The following AUTS2 variants were observed in gnomAD, a reference collection of about 807,000 sequenced individuals.
AUTS2 encodes autism susceptibility gene 2 protein.
In AUTS2, 17 loss-of-function variants were observed where a neutral mutation model predicts 112.4. That is an observed-to-expected ratio of 0.15 (90% CI 0.10 to 0.23). AUTS2 has a LOEUF of 0.23. Among genes scored for constraint, AUTS2 ranks in the 10% least tolerant of loss-of-function variants. The pLI, the probability that AUTS2 is intolerant of heterozygous loss-of-function variation, is 1.00. For synonymous variants in AUTS2, 751 were observed against 702.7 expected (o/e 1.07, Z -1.09); for missense variants, 1,510 against 1,701.6 (o/e 0.89, Z 1.98).
chr7:70,191,650 A>G (rs1241616527), intron 4 of AUTS2, among the ~76,000 whole-genome samples: 1 of 152,178 alleles, frequency 6.6e-6, no homozygotes, highest in Non-Finnish European at 1.5e-5. Context: ...TGATTAACAG[A>G]TTTGTTCAAA....
intron 4 of AUTS2, among the ~76,000 whole-genome samples, chr7:70,434,315 A>G (rs1458945769): frequency 6.6e-6 from 1 of 152,334 alleles, no homozygotes; most frequent in South Asian, 2.1e-4. Context: ...TTAACCTCAA[A>G]GTGTCAGGAG....
intron 2 of AUTS2, among the ~76,000 whole-genome samples, chr7:69,981,562 C>T (rs1422329565): frequency 2.0e-5 from 3 of 152,050 alleles, no homozygotes; most frequent in Non-Finnish European, 4.4e-5. Context: ...TTCTTGCCAA[C>T]AATTTTTATA....
At chr7:70,525,018 G>A (rs1020907039) in intron 5 of AUTS2, among the ~76,000 whole-genome samples, 2 of 152,162 alleles carry the variant, frequency 1.3e-5, no homozygotes, top group Admixed American at 6.5e-5. Flanking sequence ...CCTCTTGGTC[G>A]GTCCTGCTTG....
intron 5 of AUTS2, among the ~76,000 whole-genome samples, chr7:70,547,238 T>C (rs1223074021): frequency 1.3e-5 from 2 of 152,142 alleles, no homozygotes; most frequent in African/African-American, 4.8e-5. Flanking sequence ...TTTCATATAA[T>C]GGAACAATAC....
chr7:70,357,756 G>A (rs1210560557), intron 4 of AUTS2, among the ~76,000 whole-genome samples: 3 of 152,198 alleles, frequency 2.0e-5, no homozygotes, highest in South Asian at 4.1e-4. Flanking sequence ...GGGAATTACT[G>A]TAATTTAATA....
intron 6 of AUTS2, among the ~76,000 whole-genome samples, chr7:70,699,993 T>C (rs549640218): frequency 4.6e-5 from 7 of 151,462 alleles, no homozygotes; most frequent in African/African-American, 1.5e-4. Flanking sequence ...TTCTGCTGAT[T>C]TGCTACTGAA....
Position 69,922,264 on chromosome 7 carries a change from G to C in AUTS2, c.522+22766G>C, listed in dbSNP as rs545788938. On this transcript the variant is annotated intron_variant, in intron 2 of 18. Transcript: ENST00000342771. ...ACATATAAACTTACTACCAACTAGC[G>C]CTGTCCTTTTTCTACTCCTTAAGAG... Among the ~76,000 whole-genome samples the C allele has an allele frequency of 7.9e-5, 12 of 152,218 alleles. No homozygotes were observed. In the South Asian group the frequency reaches 2.5e-3, roughly 32 times the overall value.
intron 4 of AUTS2, among the ~76,000 whole-genome samples, chr7:70,267,469 G>A (rs932707672): frequency 6.6e-5 from 10 of 152,120 alleles, no homozygotes; most frequent in African/African-American, 2.4e-4. Flanking sequence ...GCTGACTCTT[G>A]TTGTAGATTC....
chr7:70,744,887 C>T (rs570184513), intron 6 of AUTS2, among the ~76,000 whole-genome samples: 5 of 152,186 alleles, frequency 3.3e-5, no homozygotes, highest in East Asian at 3.9e-4. Flanking sequence ...GAGCAGGGGA[C>T]GGTTTCTTCC....
intron 1 of AUTS2, among the ~76,000 whole-genome samples, chr7:69,638,001 A>C: frequency 6.6e-6 from 1 of 152,324 alleles, no homozygotes; most frequent in East Asian, 1.9e-4. Context: ...AGGTCATCTA[A>C]GACCCTCCCC....
intron 2 of AUTS2, among the ~76,000 whole-genome samples, chr7:69,974,191 C>G (rs890453624): frequency 6.6e-6 from 1 of 151,572 alleles, no homozygotes; most frequent in Non-Finnish European, 1.5e-5. Context: ...TCCACTTCAT[C>G]TAAGTTGTCA....
chr7:70,345,731 G>T (rs1036793433), intron 4 of AUTS2, among the ~76,000 whole-genome samples: 11 of 152,158 alleles, frequency 7.2e-5, no homozygotes, highest in African/African-American at 2.7e-4. Context: ...TACTCGCCAA[G>T]ACTCTCATGA....
At chr7:70,535,681 C>T (rs529293104) in intron 5 of AUTS2, among the ~76,000 whole-genome samples, 2 of 152,278 alleles carry the variant, frequency 1.3e-5, no homozygotes, top group South Asian at 4.1e-4. Flanking sequence ...TCCCAAAGTG[C>T]TGAGATTACA....
At chr7:70,358,336 C>T (rs192201015) in intron 4 of AUTS2, among the ~76,000 whole-genome samples, 13 of 152,338 alleles carry the variant, frequency 8.5e-5, no homozygotes, top group South Asian at 6.2e-4. Context: ...TCCAGGCCCA[C>T]GCCTAACATT....
chr7:70,304,954 T>C (rs572327104), intron 4 of AUTS2, among the ~76,000 whole-genome samples: 97 of 152,222 alleles, frequency 6.4e-4, no homozygotes, highest in Non-Finnish European at 1.2e-3. Flanking sequence ...TAAATTGTGC[T>C]CATAGTGAAA....
At chr7:70,710,974 G>A (rs985166154) in intron 6 of AUTS2, among the ~76,000 whole-genome samples, 5 of 152,230 alleles carry the variant, frequency 3.3e-5, no homozygotes, top group Non-Finnish European at 2.9e-5. Context: ...CTACCCCCAT[G>A]GGAAGAGGAA....
chr7:69,726,882 G>C (rs1465337112), intron 1 of AUTS2, among the ~76,000 whole-genome samples: 1 of 152,018 alleles, frequency 6.6e-6, no homozygotes, highest in Non-Finnish European at 1.5e-5. Flanking sequence ...TTATGTTATT[G>C]ATTTATAGGG....
chr7:70,254,077 A>C (rs1165563782), intron 4 of AUTS2, among the ~76,000 whole-genome samples: 1 of 152,154 alleles, frequency 6.6e-6, no homozygotes, highest in Non-Finnish European at 1.5e-5. Context: ...CTTTCTGTCT[A>C]GCTCATGGAT....
chr7:69,936,553 G>A (rs1464177937), intron 2 of AUTS2, among the ~76,000 whole-genome samples: 1 of 152,114 alleles, frequency 6.6e-6, no homozygotes, highest in East Asian at 1.9e-4. Context: ...GTTTCACCCT[G>A]TTAGCCAGGA....
Sources: gnomAD v4.1 joint callset for allele counts (sites outside exome capture counted in the v4.1 genomes callset) on GRCh38, gnomAD v4.1.1 for gene constraint, MANE v1.5 for transcripts, NCBI Gene and HGNC (gene_info 2026-07-23, HGNC 2026-07-21) for gene names.